The following SYNJ1 variants were observed in gnomAD, a reference collection of about 807,000 sequenced individuals.
SYNJ1 encodes polyphosphatidylinositol phosphatase SYNJ1.
Under a neutral mutation model 168.2 loss-of-function variants are expected in SYNJ1, and 78 were observed. The observed-to-expected ratio is 0.46, with a 90% CI of 0.39 to 0.56. The LOEUF is 0.56. Ranked by LOEUF, SYNJ1 falls within the 20% of genes least tolerant of loss-of-function variation. The probability of loss-of-function intolerance (pLI) is 0.00; values close to 1 mark genes in which losing one functional copy is unlikely to be tolerated. For synonymous variants in SYNJ1, 539 were observed against 548.6 expected (o/e 0.98, Z 0.24); for missense variants, 1,303 against 1,597.6 (o/e 0.82, Z 3.14).
chr21:32,639,761 C>T lies in SYNJ1; in HGVS notation c.3607G>A (p.Gly1203Arg), dbSNP rs2145726317. Residue 1203 changes from glycine to arginine, a missense_variant, in exon 30 of 33, where the codon GGA becomes AGA. Transcript: ENST00000674351. ...TGGCTCTGTGGGGCACTGATAACTCCAGCACGAGGAGGAATCGTCTACAGA... is the reference window on the plus strand; with the variant it reads ...TGGCTCTGTGGGGCACTGATAACTCTAGCACGAGGAGGAATCGTCTACAGA... ...TARPTIPPRA[G>R]VISAPQSHAR... The T allele has an allele frequency of 6.2e-7, 1 of 1,614,042 alleles. No individual in the cohort carries two copies. The highest frequency in any genetic ancestry group is 1.3e-5 in the African/African-American group (1 of 75,018).
intron 2 of SYNJ1, among the ~76,000 whole-genome samples, chr21:32,713,379 T>G (rs1383959069): frequency 7.2e-6 from 1 of 139,136 alleles, no homozygotes; most frequent in Non-Finnish European, 1.6e-5. Context: ...TATATCAACA[T>G]GGATGATTTC....
At chr21:32,647,060 C>T (rs997123860) in intron 23 of SYNJ1, among the ~76,000 whole-genome samples, 2 of 152,206 alleles carry the variant, frequency 1.3e-5, no homozygotes, top group African/African-American at 2.4e-5. Flanking sequence ...CCTCACCCCA[C>T]AAAGACCCGC....
intron 12 of SYNJ1, among the ~76,000 whole-genome samples, chr21:32,678,131 G>A (rs566721614): frequency 2.1e-4 from 32 of 152,030 alleles, no homozygotes; most frequent in Admixed American, 5.9e-4. Flanking sequence ...ATTAAAATTG[G>A]TAATAGCAGT....
intron 10 of SYNJ1, among the ~76,000 whole-genome samples, chr21:32,682,167 A>G (rs1041190383): frequency 6.6e-6 from 1 of 152,162 alleles, no homozygotes; most frequent in African/African-American, 2.4e-5. Flanking sequence ...TAAAATCCAC[A>G]TCGGTAATAT....
At chr21:32,721,140 T>A (rs1478201023) in intron 2 of SYNJ1, among the ~76,000 whole-genome samples, 1 of 152,236 alleles carries the variant, frequency 6.6e-6, no homozygotes, top group Admixed American at 6.5e-5. Flanking sequence ...CTTAAACTGG[T>A]AGATGCAGCA....
Position 32,694,217 on chromosome 21 carries a change from C to A in SYNJ1, c.789+11G>T. 2 of 1,528,374 alleles carry A rather than the reference C, an allele frequency of 1.3e-6. No homozygotes were observed. Among genetic ancestry groups the A allele is most frequent in the South Asian group, 1.3e-5 (1 of 77,342 alleles). 94.7% of individuals were successfully genotyped at this position (1,528,374 alleles called of 1,614,324 possible). On this transcript the variant is annotated intron_variant, in intron 6 of 32. Coordinates refer to ENST00000674351, the MANE Select transcript of SYNJ1 (RefSeq NM_203446.3). The stretch of plus-strand genomic sequence containing the variant: ...TCAAAAAACAAAAATAACTGAATGT[C>A]AAACACATACTTGCAACCCTGGTTG...
rs1569092573 is a variant in SYNJ1, at chr21:32,685,915, A to G, written c.951T>C (p.Ser317=). Reference sequence around the variant, plus strand: ...CAGCATGTTCAGAAGCTTTCAAATGACTCTGAAAGTAAAAAGGCAAATATT... The same window carrying G: ...CAGCATGTTCAGAAGCTTTCAAATGGCTCTGAAAGTAAAAAGGCAAATATT... The part of the protein sequence containing the change: ...GEHMLSKAFQ[S]HLKASEHAAD... The change falls in exon 9 of 33, where the codon AGT becomes AGC. Residue 317 remains serine, a splice_region_variant and synonymous_variant. Coordinates refer to ENST00000674351, the MANE Select transcript of SYNJ1 (RefSeq NM_203446.3). 6.2e-7 allele frequency: 1 copy of G among 1,601,678 alleles called. No homozygotes were observed. Among genetic ancestry groups the G allele is most frequent in the Admixed American group, 1.8e-5 (1 of 56,926 alleles).
chr21:32,709,560 T>C (rs913931611), intron 2 of SYNJ1, among the ~76,000 whole-genome samples: 5 of 142,652 alleles, frequency 3.5e-5, no homozygotes, highest in South Asian at 2.4e-4. Flanking sequence ...TCTTGTCACC[T>C]AGGCTAGAGT....
intron 12 of SYNJ1, 63 bp downstream of exon 12, chr21:32,678,582 T>C: frequency 1.4e-6 from 2 of 1,466,544 alleles, no homozygotes; most frequent in South Asian, 3.0e-5. Flanking sequence ...TGTAAATAAG[T>C]TTACATTTAC....
At chr21:32,676,935 G>C (rs1174963313) in intron 12 of SYNJ1, among the ~76,000 whole-genome samples, 1 of 152,100 alleles carries the variant, frequency 6.6e-6, no homozygotes, top group East Asian at 1.9e-4. Flanking sequence ...AAAAAGATGG[G>C]AACCTCATAA....
At position 32,703,740 on chromosome 21, in the gene SYNJ1, T is replaced by A. The variant is rs536592595; in HGVS notation, c.125-1693A>T. Among the ~76,000 whole-genome samples, 4 of 151,782 alleles carry A rather than the reference T, an allele frequency of 2.6e-5. No individual in the cohort carries two copies. The South Asian group carries it at 6.2e-4, about 24-fold the overall frequency. On this transcript the variant is annotated intron_variant, in intron 2 of 32. Transcript: ENST00000674351. ...ATATAGTTTTATTTTTATTTTTATT[T>A]TTTTTTTTTGAGACAGAGGCTGGAG...
chr21:32,705,802 G>A (rs1487563190), intron 2 of SYNJ1, among the ~76,000 whole-genome samples: 3 of 151,982 alleles, frequency 2.0e-5, no homozygotes, highest in Non-Finnish European at 4.4e-5. Flanking sequence ...CCTGGGCAAC[G>A]TGGCGAGACC....
intron 11 of SYNJ1, among the ~76,000 whole-genome samples, chr21:32,680,520 C>T (rs960853231): frequency 3.2e-4 from 48 of 152,196 alleles, no homozygotes; most frequent in African/African-American, 1.2e-3. Flanking sequence ...TCCAAACTCC[C>T]TCAATAAGGG....
Position 32,666,480 on chromosome 21 carries a change from G to A in SYNJ1, c.1905C>T (p.Gly635=), listed in dbSNP as rs748419903. The A allele has an allele frequency of 6.2e-7, 1 of 1,613,938 alleles. No homozygotes were observed. Among genetic ancestry groups the A allele is most frequent in the South Asian group, 1.1e-5 (1 of 91,064 alleles). ...GTCTGATAAAAACAAACAAACAGACGCCCACCAACTGTTCAGAAGCCAGCA... is the reference window on the plus strand; with the variant it reads ...GTCTGATAAAAACAAACAAACAGACACCCACCAACTGTTCAGAAGCCAGCA... ...YVLLASEQLV[G]VCLFVFIRPQ... Residue 635 remains glycine, a synonymous_variant, in exon 16 of 33, where the codon GGC becomes GGT. Transcript: ENST00000674351.
At position 32,630,440 on chromosome 21, in the gene SYNJ1, TGA is replaced by T. The variant is rs1289613701; in HGVS notation, c.*1363_*1364del. ...TGGAACTTTTAGGTATAATTTGGTC[TGA>T]GTTATAGCCTAGAAATTAAAGTATG... On this transcript the variant is annotated 3_prime_UTR_variant, in exon 33 of 33. Coordinates refer to ENST00000674351, the MANE Select transcript of SYNJ1 (RefSeq NM_203446.3). The T allele has an allele frequency of 1.3e-5, 2 of 152,614 alleles. No homozygotes were observed. Among genetic ancestry groups the T allele is most frequent in the Non-Finnish European group, 2.9e-5 (2 of 68,060 alleles). The allele number at this position is 152,614 out of a possible 1,614,324, so 9.5% of individuals were successfully genotyped here. A position where few individuals can be genotyped will look rare whatever the true frequency, so the allele number is the denominator to read the frequency against.
chr21:32,660,609 G>C (rs1332852312), intron 18 of SYNJ1, among the ~76,000 whole-genome samples: 2 of 152,214 alleles, frequency 1.3e-5, no homozygotes, highest in Non-Finnish European at 2.9e-5. Flanking sequence ...CAGGATATGC[G>C]GTGGTAACTT....
intron 2 of SYNJ1, among the ~76,000 whole-genome samples, chr21:32,709,959 G>A (rs2042767646): frequency 6.6e-6 from 1 of 152,018 alleles, no homozygotes; most frequent in African/African-American, 2.4e-5. Flanking sequence ...AGCACTTTGG[G>A]AGGCCAAGGT....
At chr21:32,661,927 C>T (rs948607657) in intron 18 of SYNJ1, among the ~76,000 whole-genome samples, 2 of 152,090 alleles carry the variant, frequency 1.3e-5, no homozygotes, top group African/African-American at 2.4e-5. Flanking sequence ...AGAGGTGTCC[C>T]GTCAGCTTAT....
At chr21:32,684,186 T>C in intron 9 of SYNJ1, 67 bp from the exon 10 acceptor site, 1 of 1,463,608 alleles carries the variant, frequency 6.8e-7, no homozygotes, top group Non-Finnish European at 9.5e-7. Flanking sequence ...AGTGAATAAT[T>C]GAGGTAATTA....
Sources: allele counts gnomAD v4.1 joint callset (sites outside exome capture counted in the v4.1 genomes callset), GRCh38; gene constraint gnomAD v4.1.1; transcripts MANE v1.5; gene names NCBI Gene and HGNC (gene_info 2026-07-23, HGNC 2026-07-21).